SLCO1A2: variants seen among roughly 807,000 people sequenced by gnomAD.
SLCO1A2 encodes solute carrier organic anion transporter family member 1A2, also known as OATP-1.
A neutral mutation model predicts 69.0 loss-of-function variants in SLCO1A2; 67 were observed. That is an observed-to-expected ratio of 0.97 (90% CI 0.80 to 1.19). The LOEUF (loss-of-function observed/expected upper bound fraction) is 1.19, where lower values mean the gene tolerates loss of function less well. SLCO1A2 is among the 50% of genes most tolerant of loss of function. The pLI is 0.00. For missense variants in SLCO1A2, 787 were observed against 793.7 expected (o/e 0.99, Z 0.10); for synonymous variants, 260 against 265.9 (o/e 0.98, Z 0.22).
At chr12:21,283,668 A>G (rs368964260) in intron 12 of SLCO1A2, among the ~76,000 whole-genome samples, 292 of 152,306 alleles carry the variant, frequency 1.9e-3, no homozygotes, top group African/African-American at 6.6e-3. Context: ...CAAGCTACCC[A>G]TCTGACAAGG....
In SLCO1A2 at chr12:21,267,791, T is replaced by TTTAG. The variant is rs1249691871; in HGVS notation, c.*1753_*1756dup. ...ATATAGGTAAGTCTCTTCTCCTTGT[T>TTTAG]TTAGTTTCCAGGCCATTCTCCTCAC... On this transcript the variant is annotated 3_prime_UTR_variant, in exon 15 of 15. Coordinates refer to ENST00000683939, the MANE Select transcript of SLCO1A2 (RefSeq NM_001386879.1). 6.6e-6 allele frequency: 1 copy of TTTAG among 152,112 alleles called. No homozygotes were observed. The highest frequency in any genetic ancestry group is 1.9e-4 in the East Asian group (1 of 5,178). 9.4% of individuals were successfully genotyped at this position (152,112 alleles called of 1,614,324 possible). A position where few individuals can be genotyped will look rare whatever the true frequency, so the allele number is the denominator to read the frequency against.
Position 21,267,065 on chromosome 12 carries a change from A to G in SLCO1A2, c.*2483T>C, listed in dbSNP as rs748558643. On this transcript the variant is annotated 3_prime_UTR_variant, in exon 15 of 15. Transcript: ENST00000683939. ...CATGAGAGTAGTACAAGTGCTCAGA[A>G]TAAGAACTAAACTCCCAGGCTTCAT... 2 of 151,992 alleles carry G rather than the reference A, an allele frequency of 1.3e-5. No homozygotes were observed. The highest frequency in any genetic ancestry group is 2.4e-5 in the African/African-American group (1 of 41,364). 9.4% of individuals were successfully genotyped at this position (151,992 alleles called of 1,614,324 possible). A position where few individuals can be genotyped will look rare whatever the true frequency, so the allele number is the denominator to read the frequency against.
intron 14 of SLCO1A2, among the ~76,000 whole-genome samples, chr12:21,273,536 T>C (rs1467229019): frequency 6.6e-6 from 1 of 152,206 alleles, no homozygotes; most frequent in East Asian, 1.9e-4. Context: ...TAACAGAGAA[T>C]GGAGCCAAGT....
intron 1 of SLCO1A2, among the ~76,000 whole-genome samples, chr12:21,411,645 T>A (rs532381744): frequency 6.6e-6 from 1 of 152,088 alleles, no homozygotes; most frequent in Non-Finnish European, 1.5e-5. Context: ...GTTACTTACA[T>A]TGAAGCTACA....
At chr12:21,381,851 A>G (rs936101585) in intron 1 of SLCO1A2, among the ~76,000 whole-genome samples, 1 of 152,214 alleles carries the variant, frequency 6.6e-6, no homozygotes, top group Non-Finnish European at 1.5e-5. Context: ...AAATGTGGGG[A>G]AAAAGAAATG....
At chr12:21,333,906 C>T (rs1346957698) in intron 2 of SLCO1A2, among the ~76,000 whole-genome samples, 1 of 151,968 alleles carries the variant, frequency 6.6e-6, no homozygotes, top group East Asian at 1.9e-4. Context: ...CCCCAACACA[C>T]ATATAAATGG....
At chr12:21,364,421 A>T (rs1157823422) in intron 2 of SLCO1A2, among the ~76,000 whole-genome samples, 3 of 152,234 alleles carry the variant, frequency 2.0e-5, no homozygotes. Flanking sequence ...TCTATTTATG[A>T]CAAACCCACA....
intron 4 of SLCO1A2, among the ~76,000 whole-genome samples, chr12:21,309,612 A>T (rs1312546236): frequency 6.6e-6 from 1 of 152,212 alleles, no homozygotes; most frequent in Non-Finnish European, 1.5e-5. Flanking sequence ...GGAGTAAAAT[A>T]GGAGTATTTT....
In SLCO1A2 at chr12:21,318,928, G is replaced by T; in HGVS notation, c.61-5C>A. On this transcript the variant is annotated splice_polypyrimidine_tract_variant and splice_region_variant and intron_variant, in intron 2 of 14. Coordinates refer to ENST00000683939, the MANE Select transcript of SLCO1A2 (RefSeq NM_001386879.1). Reference sequence around the variant, plus strand: ...TGTTATTGCCAACAGAAACATCTAGGAAAAAAATATAAGAAAACGTAGAAA... The same window carrying T: ...TGTTATTGCCAACAGAAACATCTAGTAAAAAAATATAAGAAAACGTAGAAA... 1 of 1,569,410 alleles carries T rather than the reference G, an allele frequency of 6.4e-7. No individual in the cohort carries two copies. The highest frequency in any genetic ancestry group is 1.2e-5 in the South Asian group (1 of 83,442).
At chr12:21,373,305 T>C in intron 2 of SLCO1A2, 1 of 1,235,808 alleles carries the variant, frequency 8.1e-7, no homozygotes, top group Non-Finnish European at 1.2e-6. Context: ...GTAAGAAATC[T>C]CTTGATTTCA....
intron 2 of SLCO1A2, among the ~76,000 whole-genome samples, chr12:21,370,403 T>C (rs1216509303): frequency 3.3e-5 from 5 of 151,710 alleles, no homozygotes; most frequent in Non-Finnish European, 7.4e-5. Flanking sequence ...TATATATACA[T>C]GTGCCATGTT....
chr12:21,285,240 T>C (rs947161764), intron 12 of SLCO1A2, among the ~76,000 whole-genome samples: 3 of 151,968 alleles, frequency 2.0e-5, no homozygotes, highest in Non-Finnish European at 4.4e-5. Flanking sequence ...TCTACACAAA[T>C]AAAACTAGAA....
chr12:21,412,751 A>G (rs1379653426), intron 1 of SLCO1A2, among the ~76,000 whole-genome samples: 2 of 152,174 alleles, frequency 1.3e-5, no homozygotes, highest in African/African-American at 4.8e-5. Flanking sequence ...AGAAGGTTTG[A>G]ATCTTAGCCC....
chr12:21,271,334 A>G (rs2136050896), intron 14 of SLCO1A2, among the ~76,000 whole-genome samples: 1 of 151,548 alleles, frequency 6.6e-6, no homozygotes, highest in African/African-American at 2.4e-5. Context: ...AGCTTTGTTT[A>G]CTCCTTTATG....
intron 12 of SLCO1A2, among the ~76,000 whole-genome samples, chr12:21,283,975 G>A (rs1210141956): frequency 6.6e-6 from 1 of 152,124 alleles, no homozygotes; most frequent in African/African-American, 2.4e-5. Context: ...ATGTAAATAA[G>A]TACAACTACT....
intron 2 of SLCO1A2, among the ~76,000 whole-genome samples, chr12:21,325,723 T>A (rs1407488187): frequency 1.3e-5 from 2 of 152,252 alleles, no homozygotes; most frequent in African/African-American, 4.8e-5. Flanking sequence ...CCATCAATTT[T>A]CATTTTATTT....
At chr12:21,325,340 A>G (rs896186304) in intron 2 of SLCO1A2, among the ~76,000 whole-genome samples, 1 of 152,188 alleles carries the variant, frequency 6.6e-6, no homozygotes, top group Non-Finnish European at 1.5e-5. Flanking sequence ...CCTTACATAA[A>G]GGCTGTTTAG....
chr12:21,354,512 A>AC (rs1938208101), intron 2 of SLCO1A2, among the ~76,000 whole-genome samples: 1 of 151,520 alleles, frequency 6.6e-6, no homozygotes, highest in South Asian at 2.1e-4. Flanking sequence ...CATTTTCCAG[A>AC]AAAAAAAATC....
intron 2 of SLCO1A2, among the ~76,000 whole-genome samples, chr12:21,341,048 A>T (rs1953053252): frequency 6.6e-6 from 1 of 152,044 alleles, no homozygotes; most frequent in Admixed American, 6.6e-5. Flanking sequence ...ATCTTATGAC[A>T]TAAGTATTAT....
Sources: gnomAD v4.1 joint callset for allele counts (sites outside exome capture counted in the v4.1 genomes callset) on GRCh38, gnomAD v4.1.1 for gene constraint, MANE v1.5 for transcripts, NCBI Gene and HGNC (gene_info 2026-07-23, HGNC 2026-07-21) for gene names.